CACNB4: variants seen among roughly 807,000 people sequenced by gnomAD.
CACNB4 encodes calcium voltage-gated channel auxiliary subunit beta 4, also known as voltage-dependent L-type calcium channel subunit beta-4.
In CACNB4, 32 loss-of-function variants were observed where a neutral mutation model predicts 71.2. The observed-to-expected ratio is 0.45, with a 90% CI of 0.34 to 0.60. The LOEUF (loss-of-function observed/expected upper bound fraction) is 0.60. CACNB4 is among the 20% of genes least tolerant of loss of function. The pLI is 0.01. For synonymous variants in CACNB4, 231 were observed against 236.9 expected (o/e 0.97, Z 0.23); for missense variants, 464 against 647.9 (o/e 0.72, Z 3.08).
At chr2:151,955,964 GTCTATAA>G (rs1466478634) in intron 2 of CACNB4, among the ~76,000 whole-genome samples, 1 of 151,580 alleles carries the variant, frequency 6.6e-6, no homozygotes, top group Non-Finnish European at 1.5e-5. Flanking sequence ...AGTCTATAAA[GTCTATAA>G]AGAGGATGTG....
In CACNB4 at chr2:151,833,701, A is replaced by G. The variant is rs886054952; in HGVS notation, c.*5418T>C. 1 of 152,128 alleles carries G rather than the reference A, an allele frequency of 6.6e-6. No homozygotes were observed. The highest frequency in any genetic ancestry group is 6.5e-5 in the Admixed American group (1 of 15,282). 9.4% of individuals were successfully genotyped at this position (152,128 alleles called of 1,614,324 possible). The stretch of plus-strand genomic sequence containing the variant: ...TGACAAAACTTAGAACTAAATCGAC[A>G]TACTTTTAAAAAATATGACTGCCAA... On this transcript the variant is annotated 3_prime_UTR_variant, in exon 14 of 14. Transcript: ENST00000539935.
intron 6 of CACNB4, chr2:151,872,166 A>T (rs894360527): frequency 5.4e-6 from 2 of 368,544 alleles, no homozygotes; most frequent in African/African-American, 4.4e-5. Flanking sequence ...CAATTTACAC[A>T]ATGGACAGTT....
intron 4 of CACNB4, among the ~76,000 whole-genome samples, chr2:151,878,897 C>G (rs1045716200): frequency 6.6e-6 from 1 of 151,644 alleles, no homozygotes; most frequent in Admixed American, 6.6e-5. Flanking sequence ...GAAAACAGAG[C>G]GAGAACCTGT....
chr2:152,092,579 T>G (rs886071116), intron 2 of CACNB4, among the ~76,000 whole-genome samples: 105 of 152,318 alleles, frequency 6.9e-4, no homozygotes, highest in Non-Finnish European at 1.2e-3. Context: ...TGCTCTTTTT[T>G]TTTAATGAAA....
chr2:151,971,251 T>A (rs6719642), intron 2 of CACNB4: 433,045 of 528,132 alleles, frequency 0.82, 185,421 homozygotes, highest in Non-Finnish European at 0.91. Context: ...GGAATAAAAT[T>A]GTCCCTAGGC....
Position 152,098,995 on chromosome 2 carries a change from T to G in CACNB4, c.17A>C (p.Tyr6Ser). 4 of 1,530,634 alleles carry G rather than the reference T, an allele frequency of 2.6e-6. No individual in the cohort carries two copies. Among genetic ancestry groups the G allele is most frequent in the Non-Finnish European group, 2.6e-6 (3 of 1,141,122 alleles). The allele number at this position is 1,530,634 out of a possible 1,614,324, so 94.8% of individuals were successfully genotyped here. A position where few individuals can be genotyped will look rare whatever the true frequency, so the allele number is the denominator to read the frequency against. Reference sequence around the variant, plus strand: ...CCCGTCCGCGGTCCCGTTCTTGGCGTAGGAGGAGGAGGACATCGTTCAGAG... The same window carrying G: ...CCCGTCCGCGGTCCCGTTCTTGGCGGAGGAGGAGGAGGACATCGTTCAGAG... Reference protein sequence around the residue: MSSSSYAKNGTADGPH... With the variant: MSSSSSAKNGTADGPH... Residue 6 changes from tyrosine to serine, a missense_variant, in exon 1 of 14, where the codon TAC (tyrosine) becomes TCC (serine). Coordinates refer to ENST00000539935, the MANE Select transcript of CACNB4 (RefSeq NM_000726.5). The surrounding 1 kb of genome is among the most constrained non-coding windows in gnomAD (Gnocchi z 5.3).
rs1366436983 is a variant in CACNB4 at position 151,869,239 on chromosome 2, T to C, written c.700-4A>G. 23 of 1,551,234 alleles carry C rather than the reference T, an allele frequency of 1.5e-5. No homozygotes were observed. Among genetic ancestry groups the C allele is most frequent in the Middle Eastern group, 1.7e-4 (1 of 5,968 alleles). The stretch of plus-strand genomic sequence containing the variant: ...CTTTCTGCATCATGTCTGTTACCTT[T>C]GCAGAGGTGAGAAAAAAAGAATGAG... On this transcript the variant is annotated splice_polypyrimidine_tract_variant and splice_region_variant and intron_variant, in intron 8 of 13. Transcript: ENST00000539935.
At chr2:151,940,034 T>C (rs2099863850) in intron 2 of CACNB4, among the ~76,000 whole-genome samples, 1 of 152,224 alleles carries the variant, frequency 6.6e-6, no homozygotes, top group Non-Finnish European at 1.5e-5. Context: ...AAAAAATTGT[T>C]CTAGCCTAAT....
At chr2:151,852,587 C>T (rs1559867027) in intron 12 of CACNB4, 2 of 152,198 alleles carry the variant, frequency 1.3e-5, no homozygotes, top group Non-Finnish European at 1.5e-5. Context: ...GAGATAGGTA[C>T]TTGCCCAAGA....
chr2:152,086,302 T>A (rs181124536), intron 2 of CACNB4, among the ~76,000 whole-genome samples: 78 of 152,330 alleles, frequency 5.1e-4, no homozygotes, highest in South Asian at 6.2e-4. Context: ...ATCAGAGTCC[T>A]CAACAAAGAA....
intron 2 of CACNB4, among the ~76,000 whole-genome samples, chr2:151,939,702 T>C (rs1314112109): frequency 2.0e-5 from 3 of 152,136 alleles, no homozygotes; most frequent in Non-Finnish European, 2.9e-5. Context: ...CCTTCCAAAC[T>C]GCTCCATGTG....
chr2:151,880,705 C>G, intron 4 of CACNB4, 95 bp downstream of exon 4: 1 of 1,330,838 alleles, frequency 7.5e-7, no homozygotes, highest in Non-Finnish European at 1.0e-6. Context: ...GCACTGGCAG[C>G]TCCTTGGGTC....
chr2:152,064,555 ATT>A (rs749723738), intron 2 of CACNB4, among the ~76,000 whole-genome samples: 34 of 151,884 alleles, frequency 2.2e-4, no homozygotes, highest in Non-Finnish European at 3.8e-4. Flanking sequence ...TAATTTTTGT[ATT>A]TTTTTAGTAG....
intron 2 of CACNB4, among the ~76,000 whole-genome samples, chr2:151,893,681 A>C (rs963882588): frequency 5.9e-5 from 9 of 152,290 alleles, no homozygotes; most frequent in African/African-American, 2.2e-4. Context: ...CTAAAGTTTT[A>C]AAATAGCATG....
intron 2 of CACNB4, among the ~76,000 whole-genome samples, chr2:151,956,266 T>A (rs1465407568): frequency 6.6e-6 from 1 of 152,240 alleles, no homozygotes; most frequent in East Asian, 1.9e-4. Context: ...GCAGCATTAT[T>A]CATAACAGCC....
rs189574637 is a variant in CACNB4 at position 152,029,625 on chromosome 2, C to G, written c.147+68705G>C. ...GATTAGGAAGAGGGTCTGCTATGGT[C>G]TGAATGTTTGTGTCCCCTCAAAATT... On this transcript the variant is annotated intron_variant, in intron 2 of 13. Coordinates refer to ENST00000539935, the MANE Select transcript of CACNB4 (RefSeq NM_000726.5). 4.3e-3 allele frequency among the ~76,000 whole-genome samples: 660 copies of G among 152,228 alleles called. 17 individuals carry two copies. The highest frequency in any genetic ancestry group is 0.038 in the Admixed American group (582 of 15,276).
At chr2:151,886,316 C>A (rs2099849351) in intron 2 of CACNB4, among the ~76,000 whole-genome samples, 1 of 152,128 alleles carries the variant, frequency 6.6e-6, no homozygotes, top group African/African-American at 2.4e-5. Flanking sequence ...ATGGTTAGTG[C>A]CTACAGTTCA....
intron 2 of CACNB4, among the ~76,000 whole-genome samples, chr2:151,905,941 T>C (rs1225191579): frequency 6.6e-6 from 1 of 152,236 alleles, no homozygotes; most frequent in Non-Finnish European, 1.5e-5. Flanking sequence ...AGATTACCTT[T>C]AAGTAAAAAG....
chr2:152,005,901 A>C (rs1682695147), intron 2 of CACNB4, among the ~76,000 whole-genome samples: 1 of 152,226 alleles, frequency 6.6e-6, no homozygotes. Flanking sequence ...GGAGGACTGA[A>C]GGAGATAATA....
Sources: allele counts gnomAD v4.1 joint callset (sites outside exome capture counted in the v4.1 genomes callset), GRCh38; gene constraint gnomAD v4.1.1; non-coding constraint Gnocchi (gnomAD v3.1); transcripts MANE v1.5; gene names NCBI Gene and HGNC (gene_info 2026-07-23, HGNC 2026-07-21).